EYS: variants seen among roughly 807,000 people sequenced by gnomAD.
EYS encodes the protein EGF-like photoreceptor maintenance factor, also known as protein eyes shut homolog.
Under a neutral mutation model 282.1 loss-of-function variants are expected in EYS, and 250 were observed. That is an observed-to-expected ratio of 0.89 (90% CI 0.80 to 0.98). The LOEUF (loss-of-function observed/expected upper bound fraction) is 0.98. Among genes scored for constraint, EYS ranks in the 50% least tolerant of loss-of-function variants. EYS has a pLI of 0.00. For synonymous variants in EYS, 1,355 were observed against 1,282.9 expected (o/e 1.06, Z -1.20); for missense variants, 4,016 against 3,709.0 (o/e 1.08, Z -2.15).
chr6:65,345,510 C>T (rs2150321076), intron 9 of EYS, among the ~76,000 whole-genome samples: 1 of 151,576 alleles, frequency 6.6e-6, no homozygotes, highest in South Asian at 2.1e-4. Flanking sequence ...TTCAAGTATG[C>T]TTTTGTGGGA....
chr6:65,519,708 A>ATATATATATATTTT, intron 2 of EYS, among the ~76,000 whole-genome samples: 1 of 42,560 alleles, frequency 2.3e-5, no homozygotes, highest in Non-Finnish European at 3.7e-5. Flanking sequence ...ATATATATAT[A>ATATATATATATTTT]TTTTTTTTTT....
intron 18 of EYS, among the ~76,000 whole-genome samples, chr6:64,891,383 C>T (rs1475766915): frequency 6.6e-6 from 1 of 152,090 alleles, no homozygotes; most frequent in African/African-American, 2.4e-5. Flanking sequence ...CTCCTTTCCT[C>T]CCTCCACCTG....
chr6:64,821,003 T>C (rs1764883156), intron 21 of EYS, among the ~76,000 whole-genome samples: 1 of 151,978 alleles, frequency 6.6e-6, no homozygotes. Context: ...TTATTGTCAA[T>C]CAAAAATGAT....
chr6:65,640,330 T>C (rs1056727242), intron 1 of EYS, among the ~76,000 whole-genome samples: 1 of 152,204 alleles, frequency 6.6e-6, no homozygotes, highest in Non-Finnish European at 1.5e-5. Flanking sequence ...TCTAAAATTA[T>C]ATGCAGGATC....
chr6:65,474,666 T>G (rs1024862630), intron 5 of EYS, among the ~76,000 whole-genome samples: 7 of 152,088 alleles, frequency 4.6e-5, no homozygotes, highest in African/African-American at 1.4e-4. Context: ...AAGCAATCTT[T>G]AGATAATTCT....
chr6:63,851,639 A>G (rs1772253132), intron 36 of EYS, among the ~76,000 whole-genome samples: 1 of 152,202 alleles, frequency 6.6e-6, no homozygotes, highest in Non-Finnish European at 1.5e-5. Flanking sequence ...ACAAAGACAC[A>G]ACATATCAGA....
At chr6:65,462,552 A>G (rs868812525) in intron 5 of EYS, among the ~76,000 whole-genome samples, 1 of 152,042 alleles carries the variant, frequency 6.6e-6, no homozygotes, top group East Asian at 1.9e-4. Context: ...ATATTTTATT[A>G]TTTGTAGTGT....
At chr6:63,839,862 G>A (rs867913468) in intron 36 of EYS, among the ~76,000 whole-genome samples, 3 of 152,006 alleles carry the variant, frequency 2.0e-5, no homozygotes, top group Admixed American at 1.3e-4. Flanking sequence ...GTACATCCTC[G>A]CCAGCATTTG....
intron 31 of EYS, among the ~76,000 whole-genome samples, chr6:64,160,236 C>G (rs887976490): frequency 1.3e-5 from 2 of 152,158 alleles, no homozygotes; most frequent in African/African-American, 4.8e-5. Flanking sequence ...TTAAATTGAA[C>G]AGTACCTAAA....
intron 15 of EYS, among the ~76,000 whole-genome samples, chr6:64,922,115 G>A (rs1466477042): frequency 1.3e-5 from 2 of 152,170 alleles, no homozygotes; most frequent in Non-Finnish European, 2.9e-5. Flanking sequence ...CAGCAGTCCT[G>A]TTGCTACTGT....
intron 33 of EYS, among the ~76,000 whole-genome samples, chr6:64,029,167 C>T (rs998878206): frequency 1.3e-5 from 2 of 152,154 alleles, no homozygotes. Context: ...GTACAAGCTC[C>T]AGGTTTAAGC....
chr6:64,959,322 G>A (rs1490131473), intron 14 of EYS, among the ~76,000 whole-genome samples: 1 of 152,136 alleles, frequency 6.6e-6, no homozygotes, highest in Admixed American at 6.5e-5. Flanking sequence ...TGTAGAATGT[G>A]TTATTATTGA....
intron 5 of EYS, among the ~76,000 whole-genome samples, chr6:65,451,066 C>T (rs1764378133): frequency 6.6e-6 from 1 of 151,862 alleles, no homozygotes; most frequent in African/African-American, 2.4e-5. Context: ...TTATAAACTA[C>T]TGGTATTAGT....
chr6:65,627,561 G>C (rs537572985), intron 2 of EYS, among the ~76,000 whole-genome samples: 2 of 152,154 alleles, frequency 1.3e-5, no homozygotes, highest in Admixed American at 6.5e-5. Flanking sequence ...GCTGCCTGCC[G>C]CGCTTGCGGG....
In EYS at chr6:63,854,270, A is replaced by G. The variant is rs577497480; in HGVS notation, c.7228+9916T>C. Among the ~76,000 whole-genome samples the G allele has an allele frequency of 4.3e-3, 657 of 152,348 alleles. 1 individual carries two copies. Among genetic ancestry groups the G allele is most frequent in the Non-Finnish European group, 7.3e-3 (500 of 68,028 alleles). On this transcript the variant is annotated intron_variant, in intron 36 of 42. Coordinates refer to ENST00000503581, the MANE Select transcript of EYS (RefSeq NM_001142800.2). ...ACATATATACCATGGAATACTATGT[A>G]GCCATAAAAAAGAATGAGTTCATGT...
At chr6:65,382,854 C>T (rs983182282) in intron 8 of EYS, among the ~76,000 whole-genome samples, 1 of 151,934 alleles carries the variant, frequency 6.6e-6, no homozygotes, top group African/African-American at 2.4e-5. Context: ...GTGGGTCTCC[C>T]TTCCCCAGCC....
rs115477537 is a variant in EYS at position 64,809,288 on chromosome 6, A to G, written c.3443+4090T>C. 4.6e-3 allele frequency among the ~76,000 whole-genome samples: 701 copies of G among 152,236 alleles called. 4 individuals are homozygous for G. Among genetic ancestry groups the G allele is most frequent in the African/African-American group, 0.016 (661 of 41,558 alleles). ...GCTATATGAACTTTGAAAAAAATCA[A>G]ACTCTTGGAATAAACTAACTACTCT... On this transcript the variant is annotated intron_variant, in intron 22 of 42. Transcript: ENST00000503581.
At chr6:63,983,875 C>T (rs1477775719) in intron 35 of EYS, among the ~76,000 whole-genome samples, 1 of 151,608 alleles carries the variant, frequency 6.6e-6, no homozygotes, top group Non-Finnish European at 1.5e-5. Flanking sequence ...CATGATAAAT[C>T]TGCTTCAAGA....
chr6:65,187,136 A>T (rs980296793), intron 12 of EYS, among the ~76,000 whole-genome samples: 2 of 151,774 alleles, frequency 1.3e-5, no homozygotes, highest in African/African-American at 2.4e-5. Context: ...TATAGTTTAA[A>T]TTGTACCAAA....
Sources: gnomAD v4.1 joint callset for allele counts (sites outside exome capture counted in the v4.1 genomes callset) on GRCh38, gnomAD v4.1.1 for gene constraint, MANE v1.5 for transcripts, NCBI Gene and HGNC (gene_info 2026-07-23, HGNC 2026-07-21) for gene names.